ZBTB20: variants seen among roughly 807,000 people sequenced by gnomAD.
The protein encoded by ZBTB20 is zinc finger and BTB domain containing 20.
A neutral mutation model predicts 56.9 loss-of-function variants in ZBTB20; 9 were observed. The ratio of observed to expected loss-of-function variants is 0.16; its 90% CI spans 0.10 to 0.28. ZBTB20 has a LOEUF of 0.28. Ranked by LOEUF, ZBTB20 falls within the 10% of genes least tolerant of loss-of-function variation. ZBTB20 has a pLI of 1.00. For missense variants in ZBTB20, 655 were observed against 1,003.0 expected (o/e 0.65, Z 4.69); for synonymous variants, 417 against 420.7 (o/e 0.99, Z 0.11).
chr3:114,397,240 C>T (rs1230543710), intron 7 of ZBTB20, among the ~76,000 whole-genome samples: 1 of 152,110 alleles, frequency 6.6e-6, no homozygotes, highest in Non-Finnish European at 1.5e-5. Flanking sequence ...TGCTCCTGCC[C>T]ACTGTTTCCA....
chr3:114,518,159 G>A (rs1322692025), intron 6 of ZBTB20, among the ~76,000 whole-genome samples: 2 of 152,138 alleles, frequency 1.3e-5, no homozygotes, highest in African/African-American at 4.8e-5. Flanking sequence ...TGGGGTATGG[G>A]TATTGGTTTG....
intron 2 of ZBTB20, among the ~76,000 whole-genome samples, chr3:115,010,251 T>C (rs531051824): frequency 1.2e-4 from 18 of 152,020 alleles, no homozygotes; most frequent in Middle Eastern, 6.8e-3. Flanking sequence ...TTACTGATTG[T>C]AGAATCTCAG....
At chr3:114,510,440 G>T (rs2045216519) in intron 6 of ZBTB20, among the ~76,000 whole-genome samples, 1 of 151,738 alleles carries the variant, frequency 6.6e-6, no homozygotes, top group South Asian at 2.1e-4. Context: ...TGCATGATTT[G>T]GTCTGGAGGA....
chr3:114,328,521 A>C lies in ZBTB20; in HGVS notation c.*10484T>G, dbSNP rs1393907485. 2.0e-5 allele frequency: 3 copies of C among 152,174 alleles called. No homozygotes were observed. The highest frequency in any genetic ancestry group is 3.9e-4 in the East Asian group (2 of 5,188). The allele number at this position is 152,174 out of a possible 1,614,324, so 9.4% of individuals were successfully genotyped here. A position where few individuals can be genotyped will look rare whatever the true frequency, so the allele number is the denominator to read the frequency against. On this transcript the variant is annotated 3_prime_UTR_variant, in exon 12 of 12. Coordinates refer to ENST00000675478, the MANE Select transcript of ZBTB20 (RefSeq NM_001348800.3). Reference sequence around the variant, plus strand: ...GGTATTTAAAAAAAAAACAGAAAATATTTTTCTCTTCATTTTTGGCCAAAC... The same window carrying C: ...GGTATTTAAAAAAAAAACAGAAAATCTTTTTCTCTTCATTTTTGGCCAAAC...
In ZBTB20 at chr3:114,614,604, G is replaced by T. The variant is rs1050940167; in HGVS notation, c.-295+78924C>A. Among the ~76,000 whole-genome samples, 4 of 152,326 alleles carry T rather than the reference G, an allele frequency of 2.6e-5. 1 individual carries two copies. Among genetic ancestry groups the T allele is most frequent in the African/African-American group, 9.6e-5 (4 of 41,584 alleles). On this transcript the variant is annotated intron_variant, in intron 6 of 11. Transcript: ENST00000675478. ...GGATTTTCTGAACCATGATAATTCT[G>T]CTGGGATCTGGTATTAAACAGCATG...
At chr3:114,432,081 G>C (rs2090164518) in intron 7 of ZBTB20, among the ~76,000 whole-genome samples, 2 of 151,352 alleles carry the variant, frequency 1.3e-5, no homozygotes, top group Admixed American at 1.3e-4. Flanking sequence ...CTTATATTTT[G>C]CTAATGTAAA....
At position 115,085,364 on chromosome 3, in the gene ZBTB20, C is replaced by T. The variant is rs930053909; in HGVS notation, c.-702-13950G>A. 2.6e-5 allele frequency among the ~76,000 whole-genome samples: 4 copies of T among 151,930 alleles called. No homozygotes were observed. The East Asian group carries it at 7.7e-4, about 29-fold the overall frequency. On this transcript the variant is annotated intron_variant, in intron 1 of 11. Transcript: ENST00000675478. Reference sequence around the variant, plus strand: ...AACAAATATCCTGGAGCCAGACTCTCTCACATGCACACACTACTCCCTGGA... The same window carrying T: ...AACAAATATCCTGGAGCCAGACTCTTTCACATGCACACACTACTCCCTGGA...
At chr3:114,443,606 T>A (rs1160468480) in intron 7 of ZBTB20, among the ~76,000 whole-genome samples, 1 of 152,208 alleles carries the variant, frequency 6.6e-6, no homozygotes, top group Non-Finnish European at 1.5e-5. Flanking sequence ...TAGGTTCCTG[T>A]TACACAAAAA....
intron 10 of ZBTB20, among the ~76,000 whole-genome samples, chr3:114,360,106 TA>T (rs549101588): frequency 0.039 from 5,376 of 139,538 alleles, 122 homozygotes; most frequent in Non-Finnish European, 0.052. Context: ...ATAGTGTCAT[TA>T]AAAAAAAAAA....
chr3:115,013,719 A>G (rs1361763183), intron 2 of ZBTB20, among the ~76,000 whole-genome samples: 3 of 151,734 alleles, frequency 2.0e-5, no homozygotes, highest in African/African-American at 7.2e-5. Context: ...AAAAGGCACA[A>G]CAAAGACACA....
chr3:114,448,827 G>C (rs1267958653), intron 7 of ZBTB20, among the ~76,000 whole-genome samples: 3 of 152,030 alleles, frequency 2.0e-5, no homozygotes, highest in Admixed American at 2.0e-4. Flanking sequence ...TTTTATTACA[G>C]AAAAATAAAA....
At chr3:114,598,989 CT>C (rs2056552281) in intron 6 of ZBTB20, among the ~76,000 whole-genome samples, 1 of 152,000 alleles carries the variant, frequency 6.6e-6, no homozygotes, top group South Asian at 2.1e-4. Flanking sequence ...CCCAAAACAG[CT>C]TTATGTGTCA....
intron 7 of ZBTB20, among the ~76,000 whole-genome samples, chr3:114,409,184 G>A (rs1231780895): frequency 3.1e-5 from 4 of 127,208 alleles, no homozygotes; most frequent in East Asian, 2.3e-4. Context: ...GCTTTCTGAC[G>A]TGAATGTGAA....
intron 6 of ZBTB20, among the ~76,000 whole-genome samples, chr3:114,644,236 A>G (rs1182973941): frequency 6.6e-6 from 1 of 152,110 alleles, no homozygotes; most frequent in East Asian, 1.9e-4. Flanking sequence ...GTATGCAGAA[A>G]GAAGCTAATA....
At chr3:114,630,185 A>G (rs979829089) in intron 6 of ZBTB20, among the ~76,000 whole-genome samples, 2 of 152,158 alleles carry the variant, frequency 1.3e-5, no homozygotes, top group Non-Finnish European at 2.9e-5. Flanking sequence ...AGGAACAGCC[A>G]TTATTTGCAG....
intron 1 of ZBTB20, among the ~76,000 whole-genome samples, chr3:115,124,149 G>C (rs2084257992): frequency 6.6e-6 from 1 of 152,190 alleles, no homozygotes; most frequent in Non-Finnish European, 1.5e-5. Context: ...TTATTTCATT[G>C]AGTAATTTAG....
At chr3:114,497,660 T>A (rs2043438596) in intron 7 of ZBTB20, among the ~76,000 whole-genome samples, 1 of 152,188 alleles carries the variant, frequency 6.6e-6, no homozygotes, top group African/African-American at 2.4e-5. Context: ...TATACCTGCA[T>A]TTCAGTGCCT....
intron 6 of ZBTB20, among the ~76,000 whole-genome samples, chr3:114,686,710 A>G (rs2062362534): frequency 6.6e-6 from 1 of 151,966 alleles, no homozygotes; most frequent in African/African-American, 2.4e-5. Flanking sequence ...TCCTCGAAAA[A>G]CCACAAGACT....
At chr3:114,499,792 C>A (rs1370134718) in intron 7 of ZBTB20, among the ~76,000 whole-genome samples, 1 of 151,824 alleles carries the variant, frequency 6.6e-6, no homozygotes, top group Non-Finnish European at 1.5e-5. Context: ...CCTTTATAAA[C>A]CTTCTGGCAC....
Sources: allele counts gnomAD v4.1 joint callset (sites outside exome capture counted in the v4.1 genomes callset), GRCh38; gene constraint gnomAD v4.1.1; transcripts MANE v1.5; gene names NCBI Gene and HGNC (gene_info 2026-07-23, HGNC 2026-07-21).